GCNT1: variants seen among roughly 807,000 people sequenced by gnomAD.
GCNT1 encodes beta-1,3-galactosyl-O-glycosyl-glycoprotein beta-1,6-N-acetylglucosaminyltransferase.
A neutral mutation model predicts 26.2 loss-of-function variants in GCNT1; 16 were observed. The ratio of observed to expected loss-of-function variants is 0.61; its 90% confidence interval spans 0.41 to 0.93. The LOEUF (loss-of-function observed/expected upper bound fraction) is 0.93. Ranked by LOEUF, GCNT1 falls within the 40% of genes least tolerant of loss-of-function variation. The pLI is 0.00. For missense variants in GCNT1, 477 were observed against 526.7 expected, an observed-to-expected ratio of 0.91 and a Z score of 0.92; for synonymous variants, 183 against 190.8, an observed-to-expected ratio of 0.96 and a Z score of 0.34.
chr9:76,456,295 ATTTG>A (rs764264773), upstream of GCNT1, among the ~76,000 whole-genome samples: 1 of 151,852 alleles, frequency 6.6e-6, no homozygotes, highest in Admixed American at 6.6e-5. Context: ...AGTTTCTTAG[ATTTG>A]TTTGTTTGTT....
Position 76,503,084 on chromosome 9 carries a change from T to C in GCNT1, c.703T>C (p.Leu235=), listed in dbSNP as rs148923569. 1.0e-3 allele frequency: 1,624 copies of C among 1,614,080 alleles called. 19 individuals are homozygous for C. The highest frequency in any genetic ancestry group is 6.1e-3 in the South Asian group (558 of 91,070). ...CCTAGAAATTGTCAGGAAGCTCAAG[T>C]TGTTAATGGGAGAAAACAACCTGGA... ...TNLEIVRKLK[L]LMGENNLETE... The change falls in exon 4 of 4, where the codon TTG becomes CTG. Residue 235 remains leucine, a synonymous_variant. Transcript: ENST00000376730.
Position 76,453,801 on chromosome 9 carries a change from G to A in GCNT1, c.-290+11486G>A, listed in dbSNP as rs186803949. On this transcript the variant is annotated intron_variant, in intron 1 of 2. Transcript: ENST00000442371. ...CTTGAACTCACCCAAGAGTCCTCAA[G>A]TCCTGAACATGGCACCTTTACCTGG... Among the ~76,000 whole-genome samples the A allele has an allele frequency of 2.6e-5, 4 of 152,318 alleles. No individual in the cohort carries two copies. The South Asian group carries it at 8.3e-4, about 32-fold the overall frequency.
chr9:76,435,344 T>C (rs536007323), intron 1 of GCNT1, among the ~76,000 whole-genome samples: 3 of 152,246 alleles, frequency 2.0e-5, no homozygotes, highest in East Asian at 1.9e-4. Flanking sequence ...CCAGCAATTA[T>C]GGAAAATAGA....
chr9:76,471,562 T>C (rs1824132493), intron 2 of GCNT1, among the ~76,000 whole-genome samples: 1 of 152,202 alleles, frequency 6.6e-6, no homozygotes, highest in South Asian at 2.1e-4. Flanking sequence ...TTGTTGTTGA[T>C]TACTTGTGGC....
chr9:76,416,983 C>T (rs1469776771), upstream of GCNT1, among the ~76,000 whole-genome samples: 1 of 152,066 alleles, frequency 6.6e-6, no homozygotes, highest in African/African-American at 2.4e-5. Flanking sequence ...TCATTTGAAC[C>T]TGGGAGATGG....
At chr9:76,412,298 T>C in the GCNT1 span, among the ~76,000 whole-genome samples, 1 of 152,258 alleles carries the variant, frequency 6.6e-6, no homozygotes, top group South Asian at 2.1e-4. Context: ...CAAAATGTTA[T>C]GTTAGACCAA....
chr9:76,406,667 C>T, the GCNT1 span, among the ~76,000 whole-genome samples: 1 of 151,514 alleles, frequency 6.6e-6, no homozygotes, highest in East Asian at 2.0e-4. Flanking sequence ...TGCCACTGCA[C>T]TCCAGCCTGG....
chr9:76,428,012 A>G (rs1233031821), intron 1 of GCNT1, among the ~76,000 whole-genome samples: 1 of 152,054 alleles, frequency 6.6e-6, no homozygotes, highest in East Asian at 1.9e-4. Context: ...AACAAAAAAC[A>G]CATGAAAAAC....
At chr9:76,408,285 G>T in the GCNT1 span, among the ~76,000 whole-genome samples, 1 of 152,250 alleles carries the variant, frequency 6.6e-6, no homozygotes, top group Non-Finnish European at 1.5e-5. Context: ...TATTGAAGAA[G>T]TTCCCTTTTA....
At chr9:76,461,868 G>A (rs1246104089) in intron 2 of GCNT1, among the ~76,000 whole-genome samples, 1 of 152,198 alleles carries the variant, frequency 6.6e-6, no homozygotes, top group Non-Finnish European at 1.5e-5. Context: ...AAGCCTGGAC[G>A]ACAGAGTGAA....
rs1825205480 is a variant in GCNT1 at position 76,505,168 on chromosome 9, T to C, written c.*1500T>C. On this transcript the variant is annotated 3_prime_UTR_variant, in exon 4 of 4. Transcript: ENST00000376730. ...AATCATGTGCTGTATTTTTAAAATC[T>C]AGCCAAATTAAATAGTACATGAGAA... 2.5e-6 allele frequency: 1 copy of C among 397,312 alleles called. No individual in the cohort carries two copies. The highest frequency in any genetic ancestry group is 2.1e-5 in the African/African-American group (1 of 48,324). 24.6% of individuals were successfully genotyped at this position (397,312 alleles called of 1,614,324 possible).
In GCNT1 at chr9:76,503,252, G is replaced by A; in HGVS notation, c.871G>A (p.Val291Ile). The part of the protein sequence containing the change: ...PLFSGSAYFV[V>I]SREYVGYVLQ... ...CTTTTCTGGCAGTGCCTACTTCGTGGTCAGTAGGGAGTATGTGGGGTATGT... is the reference window on the plus strand; with the variant it reads ...CTTTTCTGGCAGTGCCTACTTCGTGATCAGTAGGGAGTATGTGGGGTATGT... Residue 291 changes from valine to isoleucine, a missense_variant, in exon 4 of 4, where the codon GTC becomes ATC. By Grantham distance (29) the Val-to-Ile change is conservative. Transcript: ENST00000376730. The A allele has an allele frequency of 6.2e-7, 1 of 1,614,116 alleles. No individual in the cohort carries two copies. Among genetic ancestry groups the A allele is most frequent in the Non-Finnish European group, 8.5e-7 (1 of 1,180,012 alleles).
At chr9:76,432,033 C>T (rs186586288) in intron 1 of GCNT1, among the ~76,000 whole-genome samples, 5 of 152,148 alleles carry the variant, frequency 3.3e-5, no homozygotes, top group Admixed American at 6.6e-5. Flanking sequence ...CGCTTAAACC[C>T]GGGAGGCAGA....
chr9:76,466,848 T>A (rs1213622933), intron 2 of GCNT1, among the ~76,000 whole-genome samples: 1 of 152,156 alleles, frequency 6.6e-6, no homozygotes, highest in African/African-American at 2.4e-5. Flanking sequence ...GTCAGATATT[T>A]CTTCAGCCAG....
intron 1 of GCNT1, among the ~76,000 whole-genome samples, chr9:76,449,104 A>G (rs891025620): frequency 2.6e-5 from 4 of 152,132 alleles, no homozygotes; most frequent in African/African-American, 9.7e-5. Flanking sequence ...AAGTGAGAAG[A>G]TCCCTTGAGG....
upstream of GCNT1, among the ~76,000 whole-genome samples, chr9:76,416,452 T>G (rs991481354): frequency 1.9e-4 from 29 of 152,208 alleles, no homozygotes; most frequent in Non-Finnish European, 3.4e-4. Context: ...CAGTTAACAC[T>G]TAGCCATCCA....
intron 1 of GCNT1, among the ~76,000 whole-genome samples, chr9:76,445,811 A>G (rs1382356725): frequency 4.0e-5 from 6 of 151,332 alleles, no homozygotes; most frequent in African/African-American, 1.5e-4. Context: ...TCCTGTCTCT[A>G]TAAAAAATAG....
chr9:76,455,152 C>A (rs183794271), upstream of GCNT1, among the ~76,000 whole-genome samples: 5 of 151,790 alleles, frequency 3.3e-5, no homozygotes, highest in Non-Finnish European at 5.9e-5. Context: ...AGCCTTTAAA[C>A]CTCTTTTCTT....
the GCNT1 span, among the ~76,000 whole-genome samples, chr9:76,414,845 G>A: frequency 6.6e-6 from 1 of 152,206 alleles, no homozygotes; most frequent in East Asian, 1.9e-4. Context: ...CATCAGTAGG[G>A]TCTTTACAAC....
Sources: gnomAD v4.1 joint callset for allele counts (sites outside exome capture counted in the v4.1 genomes callset) on GRCh38, gnomAD v4.1.1 for gene constraint, MANE v1.5 for transcripts, NCBI Gene and HGNC (gene_info 2026-07-23, HGNC 2026-07-21) for gene names.